Variants in CENPP observed in about 807,000 individuals in gnomAD.
CENPP encodes the protein centromere protein P.
A neutral mutation model predicts 35.6 loss-of-function variants in CENPP; 24 were observed. The observed-to-expected ratio is 0.67, with a 90% CI of 0.49 to 0.95. The LOEUF (loss-of-function observed/expected upper bound fraction) is 0.95. CENPP is among the 40% of genes least tolerant of loss of function. The pLI, the probability that CENPP is intolerant of heterozygous loss-of-function variation, is 0.00. For missense variants in CENPP, 332 were observed against 345.3 expected (o/e 0.96, Z 0.31); for synonymous variants, 120 against 125.5 (o/e 0.96, Z 0.29).
At chr9:92,544,985 G>C (rs1020135584) in intron 5 of CENPP, among the ~76,000 whole-genome samples, 1 of 152,142 alleles carries the variant, frequency 6.6e-6, no homozygotes, top group African/African-American at 2.4e-5. Context: ...GCCCGCTCCA[G>C]AGTGCTGGGA....
chr9:92,359,770 T>C (rs1474115087), intron 4 of CENPP, among the ~76,000 whole-genome samples: 1 of 151,810 alleles, frequency 6.6e-6, no homozygotes, highest in Non-Finnish European at 1.5e-5. Flanking sequence ...ACAGATCCTT[T>C]ATGGCTGGAG....
chr9:92,453,820 T>A (rs1031461663), intron 5 of CENPP, among the ~76,000 whole-genome samples: 8 of 152,098 alleles, frequency 5.3e-5, no homozygotes, highest in African/African-American at 1.7e-4. Flanking sequence ...TGAAATTTTT[T>A]AAAAAAAGCT....
chr9:92,611,533 C>T lies in CENPP; in HGVS notation c.644+140C>T, dbSNP rs74612135. ...CGTCGGTTGGAGGAATCAGTGGTCC[C>T]AGCAGATATGCCCAGTATGGGGGTG... On this transcript the variant is annotated intron_variant, in intron 6 of 7. Transcript: ENST00000375587. The T allele has an allele frequency of 7.0e-4, 466 of 668,696 alleles. 1 individual carries two copies. In the African/African-American group the frequency reaches 7.8e-3, roughly 11 times the overall value. The allele number at this position is 668,696 out of a possible 1,614,324, so 41.4% of individuals were successfully genotyped here. A position where few individuals can be genotyped will look rare whatever the true frequency, so the allele number is the denominator to read the frequency against.
At chr9:92,558,949 C>T (rs1849786086) in intron 5 of CENPP, among the ~76,000 whole-genome samples, 1 of 152,002 alleles carries the variant, frequency 6.6e-6, no homozygotes, top group African/African-American at 2.4e-5. Context: ...CCAGTTCCCA[C>T]GCAAACTGCA....
At chr9:92,550,796 AG>A (rs544665995) in intron 5 of CENPP, among the ~76,000 whole-genome samples, 202 of 152,326 alleles carry the variant, frequency 1.3e-3, no homozygotes, top group African/African-American at 4.6e-3. Flanking sequence ...CTGGAAAGCC[AG>A]GTTCCAATTT....
At chr9:92,405,931 T>C (rs1462080042) in intron 5 of CENPP, among the ~76,000 whole-genome samples, 2 of 152,224 alleles carry the variant, frequency 1.3e-5, no homozygotes, top group East Asian at 3.8e-4. Context: ...CTTCAGTTTC[T>C]TCCCTCAAGG....
At chr9:92,385,498 T>C (rs893697067) in intron 5 of CENPP, 39 of 847,448 alleles carry the variant, frequency 4.6e-5, no homozygotes, top group Non-Finnish European at 6.7e-5. Flanking sequence ...GCTTAAAATA[T>C]TAAATTCCTT....
At chr9:92,556,089 T>C (rs117099776) in intron 5 of CENPP, among the ~76,000 whole-genome samples, 4,877 of 152,268 alleles carry the variant, frequency 0.032, 108 homozygotes, top group South Asian at 0.086. Flanking sequence ...GGTTGTGTCA[T>C]TATTGTCATC....
chr9:92,618,891 C>A lies in CENPP; in HGVS notation c.*5742C>A. ...CGCAAATACTGGGTGCAGGGTTTAG[C>A]ACCCCTGAAGATCGGTGATGGAGAT... On this transcript the variant is annotated 3_prime_UTR_variant, in exon 8 of 8. Coordinates refer to ENST00000375587, the MANE Select transcript of CENPP (RefSeq NM_001012267.3). 3.0e-6 allele frequency: 1 copy of A among 328,292 alleles called. No individual in the cohort carries two copies. 20.3% of individuals were successfully genotyped at this position (328,292 alleles called of 1,614,324 possible). A position where few individuals can be genotyped will look rare whatever the true frequency, so the allele number is the denominator to read the frequency against.
chr9:92,504,830 C>T (rs373456685), intron 5 of CENPP, among the ~76,000 whole-genome samples: 59 of 152,328 alleles, frequency 3.9e-4, no homozygotes, highest in African/African-American at 1.4e-3. Context: ...TGAGCCACTG[C>T]ACGGTCCACC....
At chr9:92,522,160 C>T (rs1220233271) in intron 5 of CENPP, among the ~76,000 whole-genome samples, 1 of 152,052 alleles carries the variant, frequency 6.6e-6, no homozygotes, top group Admixed American at 6.6e-5. Context: ...GATCTCTGCT[C>T]ACTGCAACCT....
intron 4 of CENPP, among the ~76,000 whole-genome samples, chr9:92,374,276 T>TGTGG (rs1418278177): frequency 1.3e-5 from 2 of 151,380 alleles, no homozygotes; most frequent in Non-Finnish European, 2.9e-5. Context: ...TGTGTGTGTG[T>TGTGG]GTGTGTATGT....
intron 5 of CENPP, among the ~76,000 whole-genome samples, chr9:92,503,065 C>T (rs891073733): frequency 6.6e-6 from 1 of 151,954 alleles, no homozygotes; most frequent in Non-Finnish European, 1.5e-5. Context: ...GCCTCGGCCT[C>T]CCAAAGTGCT....
chr9:92,350,179 A>T (rs565734654), intron 4 of CENPP, among the ~76,000 whole-genome samples: 72 of 152,330 alleles, frequency 4.7e-4, no homozygotes, highest in African/African-American at 1.7e-3. Context: ...CTTGAGAAGG[A>T]GACATTTGGA....
At chr9:92,342,326 C>G (rs192966624) in intron 3 of CENPP, among the ~76,000 whole-genome samples, 1 of 152,302 alleles carries the variant, frequency 6.6e-6, no homozygotes, top group African/African-American at 2.4e-5. Flanking sequence ...GGACTACTAG[C>G]AGTTTCTGTC....
intron 5 of CENPP, among the ~76,000 whole-genome samples, chr9:92,461,898 T>G (rs1010928150): frequency 2.0e-5 from 3 of 152,172 alleles, no homozygotes; most frequent in African/African-American, 7.2e-5. Flanking sequence ...TTTTTTGTGT[T>G]TTTTTTAAAA....
At chr9:92,340,626 T>A (rs1008903789) in intron 3 of CENPP, 1 of 152,654 alleles carries the variant, frequency 6.6e-6, no homozygotes, top group African/African-American at 2.4e-5. Context: ...AATACTTTTA[T>A]AATTTCTTAT....
intron 5 of CENPP, chr9:92,417,051 CAAG>C (rs763210133): frequency 1.2e-6 from 2 of 1,613,936 alleles, no homozygotes; most frequent in Non-Finnish European, 1.7e-6. Flanking sequence ...TCATTGTAAC[CAAG>C]AAGGAGTCTT....
intron 5 of CENPP, chr9:92,502,757 T>C: frequency 1.0e-6 from 1 of 970,608 alleles, no homozygotes; most frequent in Non-Finnish European, 1.4e-6. Flanking sequence ...TAGTATTATC[T>C]AAAGAGTCTT....
Sources: gnomAD v4.1 joint callset for allele counts (sites outside exome capture counted in the v4.1 genomes callset) on GRCh38, gnomAD v4.1.1 for gene constraint, MANE v1.5 for transcripts, NCBI Gene and HGNC (gene_info 2026-07-23, HGNC 2026-07-21) for gene names.